CRPPA: variants seen among roughly 807,000 people sequenced by gnomAD.
CRPPA encodes the protein CDP-L-ribitol pyrophosphorylase A, also known as D-ribitol-5-phosphate cytidylyltransferase.
CRPPA carries 43 observed loss-of-function variants against 52.0 expected under a neutral mutation model. The ratio of observed to expected loss-of-function variants is 0.83; its 90% CI spans 0.65 to 1.07. The LOEUF (loss-of-function observed/expected upper bound fraction) is 1.07, where lower values mean the gene tolerates loss of function less well. Ranked by LOEUF, CRPPA falls within the 50% of genes least tolerant of loss-of-function variation. The pLI is 0.00. For synonymous variants in CRPPA, 250 were observed against 203.5 expected (o/e 1.23, Z -1.94); for missense variants, 629 against 551.7 (o/e 1.14, Z -1.40).
intron 3 of CRPPA, among the ~76,000 whole-genome samples, chr7:16,327,599 C>CAA (rs71007762): frequency 4.3e-5 from 3 of 70,090 alleles, no homozygotes; most frequent in African/African-American, 5.9e-5. Context: ...GACTCCGTCT[C>CAA]AAAAAAAAAA....
In CRPPA at chr7:16,209,273, C is replaced by CTTTTTTTTTTTTCTTTTTTTT. The variant is rs1782059745; in HGVS notation, c.1251+6792_1251+6793insAAAAAAAAGAAAAAAAAAAAA. On this transcript the variant is annotated intron_variant, in intron 9 of 9. Transcript: ENST00000407010. ...GGCCAAGTAATACGGTTCTAAGTGT[C>CTTTTTTTTTTTTCTTTTTTTT]TTTTTTTTTTTTTTTTTGAGACGAG... 3 of 122,066 alleles carry CTTTTTTTTTTTTCTTTTTTTT rather than the reference C, an allele frequency of 2.5e-5. 1 individual carries two copies. Among genetic ancestry groups the CTTTTTTTTTTTTCTTTTTTTT allele is most frequent in the Non-Finnish European group, 3.6e-5 (2 of 55,358 alleles). The allele number at this position is 122,066 out of a possible 1,614,324, so 7.6% of individuals were successfully genotyped here.
chr7:16,118,654 A>G (rs1349603341), intron 9 of CRPPA, among the ~76,000 whole-genome samples: 1 of 152,176 alleles, frequency 6.6e-6, no homozygotes, highest in African/African-American at 2.4e-5. Context: ...TTTCATTGAT[A>G]GTTAAGATGA....
chr7:16,338,794 C>T (rs927492988), intron 3 of CRPPA, among the ~76,000 whole-genome samples: 28 of 149,628 alleles, frequency 1.9e-4, no homozygotes, highest in African/African-American at 5.9e-4. Context: ...CCAATGGGTT[C>T]ATCGTGAATT....
intron 9 of CRPPA, among the ~76,000 whole-genome samples, chr7:16,110,970 T>G (rs1782251479): frequency 6.6e-6 from 1 of 151,890 alleles, no homozygotes; most frequent in South Asian, 2.1e-4. Flanking sequence ...GAAGCAACAG[T>G]AGGAAGAGAC....
intron 3 of CRPPA, among the ~76,000 whole-genome samples, chr7:16,317,242 T>A (rs1284163248): frequency 6.6e-6 from 1 of 152,180 alleles, no homozygotes; most frequent in Non-Finnish European, 1.5e-5. Flanking sequence ...GCCTCTCAGC[T>A]TCTTCCACAT....
rs535709990 is a variant in CRPPA, at chr7:16,154,245, A to G, written c.1251+61821T>C. Among the ~76,000 whole-genome samples, 408 of 152,174 alleles carry G rather than the reference A, an allele frequency of 2.7e-3. 3 individuals are homozygous for G. Among genetic ancestry groups the G allele is most frequent in the African/African-American group, 9.4e-3 (391 of 41,518 alleles). ...CAATTTTTGTTATTTCTTCTTAAAAAATGGGACACATGGGCAGAGCGTGCA... is the reference window on the plus strand; with the variant it reads ...CAATTTTTGTTATTTCTTCTTAAAAGATGGGACACATGGGCAGAGCGTGCA... On this transcript the variant is annotated intron_variant, in intron 9 of 9. Transcript: ENST00000407010.
At chr7:16,324,267 C>CA (rs1419913655) in intron 3 of CRPPA, among the ~76,000 whole-genome samples, 3 of 152,186 alleles carry the variant, frequency 2.0e-5, no homozygotes, top group Non-Finnish European at 4.4e-5. Flanking sequence ...CTCCATATTA[C>CA]AGACAGCTGC....
chr7:16,389,928 A>AATATATATATATATATAT (rs1202579530), intron 2 of CRPPA, among the ~76,000 whole-genome samples: 6 of 29,758 alleles, frequency 2.0e-4, no homozygotes, highest in African/African-American at 3.5e-4. Context: ...AAAAAAAAAA[A>AATATATATATATATATAT]ATATATATAT....
At chr7:16,419,503 T>C (rs941488294) in intron 1 of CRPPA, among the ~76,000 whole-genome samples, 2 of 150,978 alleles carry the variant, frequency 1.3e-5, no homozygotes, top group Non-Finnish European at 3.0e-5. Context: ...ACAAATTAGC[T>C]ACAAGATTAG....
intron 8 of CRPPA, among the ~76,000 whole-genome samples, chr7:16,233,839 A>G (rs188186637): frequency 6.6e-5 from 10 of 152,282 alleles, no homozygotes; most frequent in Non-Finnish European, 1.3e-4. Context: ...ATACTGTAAT[A>G]TTAGCATTTA....
chr7:16,252,191 A>G (rs1366462240), intron 8 of CRPPA, among the ~76,000 whole-genome samples: 1 of 152,104 alleles, frequency 6.6e-6, no homozygotes, highest in Non-Finnish European at 1.5e-5. Flanking sequence ...GCACATCAAA[A>G]AGCCTATCCA....
chr7:16,354,466 A>T (rs888989830), intron 3 of CRPPA, among the ~76,000 whole-genome samples: 1 of 149,326 alleles, frequency 6.7e-6, no homozygotes, highest in Non-Finnish European at 1.5e-5. Flanking sequence ...TAAAACTCTT[A>T]ATTCCATTTA....
intron 2 of CRPPA, among the ~76,000 whole-genome samples, chr7:16,397,687 C>G (rs1787642217): frequency 6.6e-6 from 1 of 152,248 alleles, no homozygotes; most frequent in South Asian, 2.1e-4. Flanking sequence ...AAACACGTGA[C>G]TGACACGTGA....
chr7:16,328,173 A>T (rs956436043), intron 3 of CRPPA, among the ~76,000 whole-genome samples: 1 of 152,030 alleles, frequency 6.6e-6, no homozygotes, highest in South Asian at 2.1e-4. Context: ...AGGATACTTA[A>T]GTCTTTTTAT....
chr7:16,394,830 A>G (rs1021165479), intron 2 of CRPPA, among the ~76,000 whole-genome samples: 2 of 152,190 alleles, frequency 1.3e-5, no homozygotes, highest in Non-Finnish European at 2.9e-5. Flanking sequence ...AAGGCCCATG[A>G]AAAGAGATCA....
intron 1 of CRPPA, among the ~76,000 whole-genome samples, 173 bp from the exon 2 acceptor site, chr7:16,406,510 G>C (rs1408378034): frequency 1.3e-5 from 2 of 152,154 alleles, no homozygotes; most frequent in African/African-American, 4.8e-5. Flanking sequence ...TGATGAAAAA[G>C]AATCAGTGAG....
At chr7:16,209,271 G>GTTTTTTTTTT (rs1316167969) in intron 9 of CRPPA, 1 of 137,734 alleles carries the variant, frequency 7.3e-6, no homozygotes, top group African/African-American at 3.0e-5. Flanking sequence ...GGTTCTAAGT[G>GTTTTTTTTTT]TCTTTTTTTT....
At chr7:16,419,792 G>T (rs1788283423) in intron 1 of CRPPA, among the ~76,000 whole-genome samples, 2 of 151,744 alleles carry the variant, frequency 1.3e-5, no homozygotes, top group African/African-American at 4.8e-5. Context: ...CACTTCCCGA[G>T]CCTCTACCCG....
intron 1 of CRPPA, among the ~76,000 whole-genome samples, chr7:16,408,936 C>T (rs1369750040): frequency 6.6e-6 from 1 of 152,204 alleles, no homozygotes; most frequent in African/African-American, 2.4e-5. Flanking sequence ...GAGTCTCACT[C>T]TGTCACCCAG....
Sources: gnomAD v4.1 joint callset for allele counts (sites outside exome capture counted in the v4.1 genomes callset) on GRCh38, gnomAD v4.1.1 for gene constraint, MANE v1.5 for transcripts, NCBI Gene and HGNC (gene_info 2026-07-23, HGNC 2026-07-21) for gene names.